IPO9: variants seen among roughly 807,000 people sequenced by gnomAD.
IPO9 encodes the protein importin 9.
In IPO9, 28 loss-of-function variants were observed where a neutral mutation model predicts 128.6. The observed-to-expected ratio is 0.22, with a 90% confidence interval of 0.16 to 0.30. The LOEUF is 0.30. IPO9 is among the 10% of genes least tolerant of loss of function. The pLI, the probability that IPO9 is intolerant of heterozygous loss-of-function variation, is 1.00. For synonymous variants in IPO9, 455 were observed against 475.8 expected (o/e 0.96, Z 0.57); for missense variants, 935 against 1,293.9 (o/e 0.72, Z 4.26).
At chr1:201,858,376 A>G (rs1283518817) in intron 11 of IPO9, 71 bp from the exon 12 acceptor site, 1 of 777,886 alleles carries the variant, frequency 1.3e-6, no homozygotes, top group Non-Finnish European at 2.0e-6. Context: ...AACAGTCATG[A>G]CTGAAGCGGT....
intron 1 of IPO9, among the ~76,000 whole-genome samples, chr1:201,841,737 A>G (rs1295985914): frequency 2.0e-5 from 3 of 152,352 alleles, no homozygotes; most frequent in Middle Eastern, 3.4e-3. Flanking sequence ...GGGGATGTAT[A>G]GAAGTACACA....
chr1:201,870,947 C>T lies in IPO9; in HGVS notation c.2409+89C>T, dbSNP rs1680639773. On this transcript the variant is annotated intron_variant, in intron 18 of 23. Coordinates refer to ENST00000361565, the MANE Select transcript of IPO9 (RefSeq NM_018085.5). The surrounding 1 kb of genome is among the most constrained non-coding windows in gnomAD (Gnocchi z 4.9). ...TGGTCCTGAGTTATTTTATTTTACC[C>T]TCTTACTAGCCTTGTAGGACAGTTA... The T allele has an allele frequency of 2.0e-6, 2 of 1,007,542 alleles. No homozygotes were observed. The highest frequency in any genetic ancestry group is 1.6e-5 in the African/African-American group (1 of 63,188). The allele number at this position is 1,007,542 out of a possible 1,614,324, so 62.4% of individuals were successfully genotyped here. A position where few individuals can be genotyped will look rare whatever the true frequency, so the allele number is the denominator to read the frequency against.
At chr1:201,874,801 C>G in intron 21 of IPO9, 31 bp from the exon 22 acceptor site, 5 of 1,456,210 alleles carry the variant, frequency 3.4e-6, no homozygotes, top group Non-Finnish European at 4.8e-6. Context: ...TGAATGTGCT[C>G]TAGCTCTAGC....
chr1:201,869,835 A>C, intron 17 of IPO9, 117 bp downstream of exon 17: 1 of 1,268,160 alleles, frequency 7.9e-7, no homozygotes, highest in Non-Finnish European at 1.1e-6. Flanking sequence ...TCAACTCCAT[A>C]TTTACTTAGC....
chr1:201,863,742 C>A, intron 14 of IPO9, 135 bp downstream of exon 14: 2 of 755,936 alleles, frequency 2.6e-6, no homozygotes, highest in Non-Finnish European at 3.9e-6. Context: ...GTTGGAAGGA[C>A]AGGGAAAGAA....
In IPO9 at chr1:201,858,835, G is replaced by T. The variant is rs561353581; in HGVS notation, c.1329-20G>T. Reference sequence around the variant, plus strand: ...TTGGCAGTTTAGTATGTTTTACTAGGCTGTAGTATCCTTTCACAGGTGGAA... The same window carrying T: ...TTGGCAGTTTAGTATGTTTTACTAGTCTGTAGTATCCTTTCACAGGTGGAA... On this transcript the variant is annotated intron_variant, in intron 12 of 23. Transcript: ENST00000361565. The T allele has an allele frequency of 6.3e-7, 1 of 1,585,032 alleles. No individual in the cohort carries two copies. The highest frequency in any genetic ancestry group is 8.6e-7 in the Non-Finnish European group (1 of 1,156,546).
At chr1:201,859,047 G>A (rs1680386354) in intron 13 of IPO9, 53 bp downstream of exon 13, 2 of 1,567,844 alleles carry the variant, frequency 1.3e-6, no homozygotes, top group African/African-American at 2.7e-5. Context: ...CTGTTGTGGG[G>A]TTGGGGGAGG....
In IPO9 at chr1:201,854,656, C is replaced by T; in HGVS notation, c.752C>T (p.Ala251Val). The change falls in exon 7 of 24, where the codon GCC becomes GTC. Residue 251 changes from alanine to valine, a missense_variant. By Grantham distance (64) the Ala-to-Val change is moderately conservative. Coordinates refer to ENST00000361565, the MANE Select transcript of IPO9 (RefSeq NM_018085.5). ...VQQFTEAFVQALQIPDGPTSD... is the reference protein window; with the variant it reads ...VQQFTEAFVQVLQIPDGPTSD... ...CAGTTCACAGAGGCCTTTGTTCAGG[C>T]CCTCCAGATACCAGATGGCCCCACA... 6.2e-7 allele frequency: 1 copy of T among 1,614,136 alleles called. No individual in the cohort carries two copies. The highest frequency in any genetic ancestry group is 1.1e-5 in the South Asian group (1 of 91,076).
In IPO9 at chr1:201,879,723, C is replaced by T. The variant is rs1680849281; in HGVS notation, c.*3669C>T. On this transcript the variant is annotated 3_prime_UTR_variant, in exon 24 of 24. Coordinates refer to ENST00000361565, the MANE Select transcript of IPO9 (RefSeq NM_018085.5). ...TGAGGACTATAGAGTACTGTGCTGT[C>T]ACTAACAGTATTGTGTGCTACTAAG... 6.6e-6 allele frequency: 1 copy of T among 152,164 alleles called. No homozygotes were observed. Among genetic ancestry groups the T allele is most frequent in the Non-Finnish European group, 1.5e-5 (1 of 68,046 alleles). 9.4% of individuals were successfully genotyped at this position (152,164 alleles called of 1,614,324 possible).
At chr1:201,830,046 C>T (rs770109883) in intron 1 of IPO9, among the ~76,000 whole-genome samples, 8 of 152,156 alleles carry the variant, frequency 5.3e-5, no homozygotes, top group Admixed American at 6.5e-5. Context: ...GATTCTTTGT[C>T]TCCGTCCTCT....
rs572010092 is a variant in IPO9 at position 201,884,227 on chromosome 1, T to C, written c.*8173T>C. The C allele has an allele frequency of 2.0e-5, 3 of 152,336 alleles. No homozygotes were observed. Among genetic ancestry groups the C allele is most frequent in the South Asian group, 4.1e-4 (2 of 4,828 alleles). The allele number at this position is 152,336 out of a possible 1,614,324, so 9.4% of individuals were successfully genotyped here. ...TCCATTTCCTAATCCACAGAACAAG[T>C]GTAATACTAGTTATCTGTTTCATGG... On this transcript the variant is annotated 3_prime_UTR_variant, in exon 24 of 24. Transcript: ENST00000361565.
In IPO9 at chr1:201,883,689, A is replaced by G. The variant is rs1558229402; in HGVS notation, c.*7635A>G. ...CCTTTTCGTGATTCTGGAGAGGGGA[A>G]CAAACCATAATAACAACAAACCAGG... is the stretch of plus-strand genomic sequence containing the variant. On this transcript the variant is annotated 3_prime_UTR_variant, in exon 24 of 24. Coordinates refer to ENST00000361565, the MANE Select transcript of IPO9 (RefSeq NM_018085.5). 1 of 152,288 alleles carries G rather than the reference A, an allele frequency of 6.6e-6. No homozygotes were observed. The highest frequency in any genetic ancestry group is 1.5e-5 in the Non-Finnish European group (1 of 68,062). 9.4% of individuals were successfully genotyped at this position (152,288 alleles called of 1,614,324 possible). A position where few individuals can be genotyped will look rare whatever the true frequency, so the allele number is the denominator to read the frequency against.
intron 13 of IPO9, among the ~76,000 whole-genome samples, chr1:201,862,229 G>A (rs1395037493): frequency 2.6e-5 from 4 of 151,966 alleles, no homozygotes; most frequent in Admixed American, 1.3e-4. Flanking sequence ...AGGCCAAGCC[G>A]AGTGGATTGC....
In IPO9 at chr1:201,874,353, T is replaced by C. The variant is rs751338695; in HGVS notation, c.2814T>C (p.Thr938=). The C allele has an allele frequency of 3.1e-6, 5 of 1,614,016 alleles. No individual in the cohort carries two copies. In the South Asian group the frequency reaches 5.5e-5, roughly 18 times the overall value. The change falls in exon 21 of 24, where the codon ACT becomes ACC. Residue 938 remains threonine (T), a synonymous_variant. Coordinates refer to ENST00000361565, the MANE Select transcript of IPO9 (RefSeq NM_018085.5). ...AGGCTAATGCCGCTCGCCAGGCCAC[T>C]CCTGCAGAGTGGAGTCAAGGTGCAC... is the stretch of plus-strand genomic sequence containing the variant. The part of the protein sequence containing the change: ...VMEANAARQA[T]PAEWSQDDSN...
intron 19 of IPO9, 151 bp from the exon 20 acceptor site, chr1:201,872,677 C>T: frequency 1.2e-6 from 1 of 808,872 alleles, no homozygotes; most frequent in Non-Finnish European, 1.9e-6. Context: ...TCTAAAATCT[C>T]ATTTTCAGCT....
At position 201,852,099 on chromosome 1, in the gene IPO9, T is replaced by G. The variant is rs756800028; in HGVS notation, c.515-5T>G. On this transcript the variant is annotated splice_region_variant and splice_polypyrimidine_tract_variant and intron_variant, in intron 4 of 23. Coordinates refer to ENST00000361565, the MANE Select transcript of IPO9 (RefSeq NM_018085.5). ...TTTTTAACAGTACTACTTTTTTCTT[T>G]GTAGAATTCACTCGTGAAGTAACAG... 8 of 1,593,418 alleles carry G rather than the reference T, an allele frequency of 5.0e-6. No individual in the cohort carries two copies. The highest frequency in any genetic ancestry group is 6.9e-6 in the Non-Finnish European group (8 of 1,162,508).
At position 201,870,544 on chromosome 1, in the gene IPO9, C is replaced by G. The variant is rs377546020; in HGVS notation, c.2134-39C>G. 3.8e-6 allele frequency: 6 copies of G among 1,594,242 alleles called. No individual in the cohort carries two copies. In the African/African-American group the frequency reaches 8.0e-5, roughly 21 times the overall value. On this transcript the variant is annotated intron_variant, in intron 17 of 23. Transcript: ENST00000361565. The surrounding 1 kb of genome is among the most constrained non-coding windows in gnomAD (Gnocchi z 4.9). ...ACTGAGGGCCTTCTGGCATCTGTCC[C>G]TCGATTACTAATCTTGCTTGCCACC... is the stretch of plus-strand genomic sequence containing the variant.
Position 201,835,971 on chromosome 1 carries a change from G to T in IPO9, c.163+6599G>T, listed in dbSNP as rs941239181. ...CTAAAAATACAAAAAAATTAGCCAG[G>T]CGTGGTGGCGGGCGCCTGTAGTCCC... On this transcript the variant is annotated intron_variant, in intron 1 of 23. Transcript: ENST00000361565. 3.3e-5 allele frequency among the ~76,000 whole-genome samples: 5 copies of T among 151,888 alleles called. No homozygotes were observed. In the South Asian group the frequency reaches 1.0e-3, roughly 32 times the overall value.
intron 13 of IPO9, among the ~76,000 whole-genome samples, chr1:201,860,417 T>TACTA (rs1178539606): frequency 2.0e-5 from 3 of 152,200 alleles, no homozygotes; most frequent in African/African-American, 7.2e-5. Context: ...TTCTTACTCC[T>TACTA]ACTAGTAAGG....
Sources: allele counts gnomAD v4.1 joint callset (sites outside exome capture counted in the v4.1 genomes callset), GRCh38; gene constraint gnomAD v4.1.1; non-coding constraint Gnocchi (gnomAD v3.1); transcripts MANE v1.5; gene names NCBI Gene and HGNC (gene_info 2026-07-23, HGNC 2026-07-21).